The following TMEM132E variants were observed in gnomAD, a reference collection of about 807,000 sequenced individuals.
The protein encoded by TMEM132E is transmembrane protein 132E.
TMEM132E carries 49 observed loss-of-function variants against 78.5 expected under a neutral mutation model. That is an observed-to-expected ratio of 0.62 (90% CI 0.50 to 0.79). The LOEUF (loss-of-function observed/expected upper bound fraction) is 0.79, where lower values mean the gene tolerates loss of function less well. TMEM132E is among the 30% of genes least tolerant of loss of function. The probability of loss-of-function intolerance (pLI) is 0.00; values close to 1 mark genes in which losing one functional copy is unlikely to be tolerated. For synonymous variants in TMEM132E, 715 were observed against 670.6 expected, an observed-to-expected ratio of 1.07 and a Z score of -1.02; for missense variants, 1,403 against 1,470.9, an observed-to-expected ratio of 0.95 and a Z score of 0.75.
rs897534542 is a variant in TMEM132E, at chr17:34,630,020, A to G, written c.1351A>G (p.Ile451Val). ...ILPLAMDTEI[I>V]NTAILTGRTV... ...CTCCTCCCTGCAGGACACAGAGATC[A>G]TCAACACGGCCATTCTGACTGGCCG... The change falls in exon 5 of 9, where the codon ATC becomes GTC. Residue 451 changes from isoleucine (I) to valine (V), a missense_variant. Around this residue, in one of 3 missense-constraint regions of TMEM132E, gnomAD observed 888 missense variants for 952.8 expected, o/e 0.93. Coordinates refer to ENST00000631683, the MANE Select transcript of TMEM132E (RefSeq NM_001304438.2). 1.2e-6 allele frequency: 2 copies of G among 1,610,236 alleles called. No homozygotes were observed. The highest frequency in any genetic ancestry group is 3.3e-5 in the Admixed American group (2 of 59,938).
intron 1 of TMEM132E, among the ~76,000 whole-genome samples, chr17:34,618,963 A>T (rs892487142): frequency 6.6e-6 from 1 of 152,112 alleles, no homozygotes; most frequent in Admixed American, 6.5e-5. Flanking sequence ...CCTCTTCTTT[A>T]TACCCTTGGC....
At chr17:34,590,015 G>A (rs887229) in intron 1 of TMEM132E, among the ~76,000 whole-genome samples, 49,735 of 152,122 alleles carry the variant, frequency 0.33, 9,970 homozygotes, top group African/African-American at 0.53. Flanking sequence ...ATGCATGAGA[G>A]GTCTGAAATG....
chr17:34,584,222 G>A (rs2142047127), intron 1 of TMEM132E, among the ~76,000 whole-genome samples: 1 of 152,308 alleles, frequency 6.6e-6, no homozygotes, highest in South Asian at 2.1e-4. Flanking sequence ...TCCTCCGTGT[G>A]CCCTATGAGG....
chr17:34,626,337 C>G lies in TMEM132E; in HGVS notation c.278C>G (p.Ser93Cys), dbSNP rs894687958. 5 of 1,612,852 alleles carry G rather than the reference C, an allele frequency of 3.1e-6. No individual in the cohort carries two copies. In the African/African-American group the frequency reaches 6.7e-5, roughly 22 times the overall value. The change falls in exon 2 of 9, where the codon TCT (serine) becomes TGT (cysteine). Residue 93 changes from serine (S) to cysteine (C), a missense_variant. Transcript: ENST00000631683. Reference protein sequence around the residue: ...QTKELPVLNVSLGPFSTSQVV... With the variant: ...QTKELPVLNVCLGPFSTSQVV... Reference sequence around the variant, plus strand: ...AAGGAGCTGCCGGTCCTCAACGTCTCTCTGGGGCCCTTCAGCACCAGCCAG... The same window carrying G: ...AAGGAGCTGCCGGTCCTCAACGTCTGTCTGGGGCCCTTCAGCACCAGCCAG...
At position 34,638,627 on chromosome 17, in the gene TMEM132E, C is replaced by G. The variant is rs1167981107; in HGVS notation, c.*395C>G. On this transcript the variant is annotated 3_prime_UTR_variant, in exon 9 of 9. Coordinates refer to ENST00000631683, the MANE Select transcript of TMEM132E (RefSeq NM_001304438.2). ...GCCTCCCGTCCCCCGTGTCGTCCCC[C>G]TGTGCAGGGGGTTCTGTGGGGGTCT... 3 of 195,356 alleles carry G rather than the reference C, an allele frequency of 1.5e-5. No homozygotes were observed. The Admixed American group carries it at 1.7e-4, about 11-fold the overall frequency. The allele number at this position is 195,356 out of a possible 1,614,324, so 12.1% of individuals were successfully genotyped here.
At chr17:34,600,586 A>C (rs1038676721) in intron 1 of TMEM132E, among the ~76,000 whole-genome samples, 3 of 151,964 alleles carry the variant, frequency 2.0e-5, no homozygotes, top group Non-Finnish European at 4.4e-5. Flanking sequence ...ATTTATGGAG[A>C]TGGCAAAGTA....
intron 1 of TMEM132E, among the ~76,000 whole-genome samples, chr17:34,609,535 C>T (rs1906521748): frequency 6.6e-6 from 1 of 152,136 alleles, no homozygotes; most frequent in Non-Finnish European, 1.5e-5. Context: ...ATGCACCAGC[C>T]CCATGGAACG....
intron 1 of TMEM132E, among the ~76,000 whole-genome samples, chr17:34,593,987 G>A (rs970501333): frequency 7.9e-5 from 12 of 152,066 alleles, no homozygotes; most frequent in East Asian, 3.9e-4. Flanking sequence ...GCTGCCCCTC[G>A]AATAAACACG....
chr17:34,604,677 C>T (rs1906353877), intron 1 of TMEM132E, among the ~76,000 whole-genome samples: 1 of 152,212 alleles, frequency 6.6e-6, no homozygotes, highest in African/African-American at 2.4e-5. Context: ...CCAACTTTGA[C>T]CTCTCTGTGC....
chr17:34,632,663 C>G, intron 5 of TMEM132E, 41 bp from the exon 6 acceptor site: 3 of 1,609,198 alleles, frequency 1.9e-6, no homozygotes, highest in Non-Finnish European at 2.6e-6. Flanking sequence ...CACAGGAAGA[C>G]CTGTAGGGAA....
chr17:34,581,088 G>C lies in TMEM132E; in HGVS notation c.12G>C (p.Gly4=). The C allele has an allele frequency of 6.4e-7, 1 of 1,554,760 alleles. No individual in the cohort carries two copies. The highest frequency in any genetic ancestry group is 1.2e-5 in the South Asian group (1 of 84,138). The change falls in exon 1 of 9, where the codon GGG becomes GGC. Residue 4 remains glycine, a synonymous_variant. Transcript: ENST00000631683. ...CCCCCGCCTCGGCCATGGCCCCGGG[G>C]ATGTCGGGCCGCGGCGGCGCCGCCC... MAP[G]MSGRGGAALL...
intron 1 of TMEM132E, among the ~76,000 whole-genome samples, chr17:34,611,695 C>T (rs751759289): frequency 7.9e-5 from 12 of 152,070 alleles, no homozygotes; most frequent in Non-Finnish European, 1.3e-4. Flanking sequence ...GCCTGGATTC[C>T]CATATTCACT....
chr17:34,610,059 C>T (rs984795558), intron 1 of TMEM132E, among the ~76,000 whole-genome samples: 1 of 150,516 alleles, frequency 6.6e-6, no homozygotes, highest in Non-Finnish European at 1.5e-5. Flanking sequence ...ACCCATTCTT[C>T]AAGATCTTAC....
intron 1 of TMEM132E, among the ~76,000 whole-genome samples, chr17:34,616,675 G>A (rs983312491): frequency 6.6e-6 from 1 of 152,146 alleles, no homozygotes; most frequent in African/African-American, 2.4e-5. Flanking sequence ...TTCGTGGTGG[G>A]GAAGGTTTGA....
intron 1 of TMEM132E, among the ~76,000 whole-genome samples, chr17:34,581,481 G>A (rs1202055194): frequency 1.3e-5 from 2 of 150,818 alleles, no homozygotes; most frequent in African/African-American, 4.9e-5. Context: ...CGTCCAGGCC[G>A]CCCCCCGCCC....
At chr17:34,598,426 G>A (rs925707566) in intron 1 of TMEM132E, among the ~76,000 whole-genome samples, 2 of 152,138 alleles carry the variant, frequency 1.3e-5, no homozygotes, top group Non-Finnish European at 2.9e-5. Context: ...TTTCTGGTGG[G>A]GGTGAAGCCC....
intron 1 of TMEM132E, among the ~76,000 whole-genome samples, chr17:34,588,227 T>A (rs994571977): frequency 6.6e-6 from 1 of 152,192 alleles, no homozygotes; most frequent in Non-Finnish European, 1.5e-5. Context: ...GCAGAGCATA[T>A]CCACCACTTC....
intron 8 of TMEM132E, among the ~76,000 whole-genome samples, chr17:34,636,495 C>T (rs1340282173): frequency 6.6e-6 from 1 of 152,196 alleles, no homozygotes; most frequent in Admixed American, 6.5e-5. Flanking sequence ...CCTCACTCAA[C>T]TCTGGAGCCC....
intron 1 of TMEM132E, among the ~76,000 whole-genome samples, chr17:34,613,043 G>C (rs1906643305): frequency 1.3e-5 from 2 of 151,908 alleles, no homozygotes; most frequent in Admixed American, 1.3e-4. Context: ...GCCCAGGGCT[G>C]AATGGGCTGG....
Sources: allele counts gnomAD v4.1 joint callset (sites outside exome capture counted in the v4.1 genomes callset), GRCh38; gene constraint gnomAD v4.1.1; regional missense constraint gnomAD v4.1.1; transcripts MANE v1.5; gene names NCBI Gene and HGNC (gene_info 2026-07-23, HGNC 2026-07-21).